The following RIMS1 variants were observed in gnomAD, a reference collection of about 807,000 sequenced individuals.
RIMS1 encodes regulating synaptic membrane exocytosis 1.
In RIMS1, 83 loss-of-function variants were observed where a neutral mutation model predicts 214.1. The observed-to-expected ratio is 0.39, with a 90% CI of 0.32 to 0.47. The LOEUF (loss-of-function observed/expected upper bound fraction) is 0.47, where lower values mean the gene tolerates loss of function less well. Ranked by LOEUF, RIMS1 falls within the 20% of genes least tolerant of loss-of-function variation. RIMS1 has a pLI of 0.99. For synonymous variants in RIMS1, 793 were observed against 786.8 expected (o/e 1.01, Z -0.13); for missense variants, 2,050 against 2,161.8 (o/e 0.95, Z 1.03).
Position 72,157,705 on chromosome 6 carries a change from G to T in RIMS1, c.472-21870G>T, listed in dbSNP as rs1177781892. On this transcript the variant is annotated intron_variant, in intron 4 of 33. Coordinates refer to ENST00000521978, the MANE Select transcript of RIMS1 (RefSeq NM_014989.7). ...TCTAATTAGCAAATCATTGGCTTAGGTTGTTTACACAGTCCATTGTGATGA... is the reference window on the plus strand; with the variant it reads ...TCTAATTAGCAAATCATTGGCTTAGTTTGTTTACACAGTCCATTGTGATGA... Among the ~76,000 whole-genome samples, 3 of 140,014 alleles carry T rather than the reference G, an allele frequency of 2.1e-5. 1 individual carries two copies. The highest frequency in any genetic ancestry group is 7.4e-5 in the African/African-American group (3 of 40,540). The allele number at this position is 140,014 out of a possible 152,430, so 91.9% of individuals were successfully genotyped here.
In RIMS1 at chr6:72,237,944, T is replaced by C. The variant is rs940109002; in HGVS notation, c.1957+22T>C. ...GCAGGTAAAGTTTCTTTTTTTAATA[T>C]TTAAACAGTGTGTTCTCCATGCATG... On this transcript the variant is annotated intron_variant, in intron 9 of 33. Transcript: ENST00000521978. The C allele has an allele frequency of 2.0e-6, 3 of 1,537,366 alleles. No individual in the cohort carries two copies. In the African/African-American group the frequency reaches 4.1e-5, roughly 21 times the overall value.
chr6:72,186,169 C>T (rs1428488829), intron 6 of RIMS1, among the ~76,000 whole-genome samples: 2 of 152,220 alleles, frequency 1.3e-5, no homozygotes, highest in African/African-American at 4.8e-5. Context: ...ACTCAGATTT[C>T]TGACTACTTG....
intron 2 of RIMS1, among the ~76,000 whole-genome samples, chr6:71,983,984 A>G (rs1413053670): frequency 6.6e-6 from 1 of 152,114 alleles, no homozygotes; most frequent in Non-Finnish European, 1.5e-5. Context: ...AATTGCTATT[A>G]TGTGTTTATC....
intron 1 of RIMS1, among the ~76,000 whole-genome samples, chr6:71,966,705 T>C (rs1052073264): frequency 1.3e-5 from 2 of 152,086 alleles, no homozygotes; most frequent in Non-Finnish European, 2.9e-5. Flanking sequence ...ATTTTTTTAG[T>C]AGAGATGGGG....
At chr6:72,012,368 A>G (rs956594023) in intron 2 of RIMS1, among the ~76,000 whole-genome samples, 4 of 152,192 alleles carry the variant, frequency 2.6e-5, no homozygotes, top group African/African-American at 9.7e-5. Context: ...ATTAGGAGAT[A>G]TACCTAATGT....
At chr6:72,006,808 G>T (rs1807854845) in intron 2 of RIMS1, among the ~76,000 whole-genome samples, 2 of 152,212 alleles carry the variant, frequency 1.3e-5, no homozygotes, top group Admixed American at 1.3e-4. Context: ...GGTTTGAGTA[G>T]GTAAACAAAG....
chr6:71,999,460 A>G (rs1004455970), intron 2 of RIMS1, among the ~76,000 whole-genome samples: 1 of 152,144 alleles, frequency 6.6e-6, no homozygotes, highest in Non-Finnish European at 1.5e-5. Context: ...AGGATATGAA[A>G]TGATTATCTT....
intron 6 of RIMS1, among the ~76,000 whole-genome samples, chr6:72,206,050 T>C (rs2052847645): frequency 6.6e-6 from 1 of 152,186 alleles, no homozygotes; most frequent in Admixed American, 6.5e-5. Flanking sequence ...TTTTTTCTGT[T>C]GTCTCTTTCT....
intron 1 of RIMS1, among the ~76,000 whole-genome samples, chr6:71,907,395 G>A (rs1775563692): frequency 6.6e-6 from 1 of 152,054 alleles, no homozygotes; most frequent in Non-Finnish European, 1.5e-5. Flanking sequence ...ACAATTAACA[G>A]ATTTTTCACC....
intron 4 of RIMS1, among the ~76,000 whole-genome samples, chr6:72,162,769 A>G (rs1218541501): frequency 7.1e-6 from 1 of 140,528 alleles, no homozygotes; most frequent in Non-Finnish European, 1.6e-5. Flanking sequence ...TGTTAGTCTG[A>G]TGGGCTTCCC....
At chr6:72,185,897 G>C (rs971542211) in intron 6 of RIMS1, among the ~76,000 whole-genome samples, 8 of 152,194 alleles carry the variant, frequency 5.3e-5, no homozygotes, top group Admixed American at 4.6e-4. Context: ...TCAATGTGAA[G>C]ACGACGAGGA....
At chr6:72,316,727 G>T (rs781612343) in intron 28 of RIMS1, 1 of 653,166 alleles carries the variant, frequency 1.5e-6, no homozygotes, top group Non-Finnish European at 2.9e-6. Context: ...TCCCAGAGCA[G>T]CCTGGGGGCC....
At position 72,055,024 on chromosome 6, in the gene RIMS1, C is replaced by A. The variant is rs1825787827; in HGVS notation, c.246-41925C>A. Among the ~76,000 whole-genome samples, 3 of 152,150 alleles carry A rather than the reference C, an allele frequency of 2.0e-5. No individual in the cohort carries two copies. In the East Asian group the frequency reaches 5.8e-4, roughly 29 times the overall value. ...ATGCCTATGTCCTGAATGGTATTGC[C>A]TAGGTTTTCTTCTAAGATTTTTATG... On this transcript the variant is annotated intron_variant, in intron 2 of 33. Transcript: ENST00000521978.
At chr6:72,072,507 G>C (rs1403252004) in intron 2 of RIMS1, among the ~76,000 whole-genome samples, 1 of 152,154 alleles carries the variant, frequency 6.6e-6, no homozygotes, top group Non-Finnish European at 1.5e-5. Flanking sequence ...AAGGCACAGA[G>C]GTTCTAGGTA....
chr6:71,891,167 T>C (rs1229344369), intron 1 of RIMS1, among the ~76,000 whole-genome samples: 1 of 152,150 alleles, frequency 6.6e-6, no homozygotes, highest in Non-Finnish European at 1.5e-5. Flanking sequence ...TAGAAGGTAA[T>C]AAAAAGCATC....
At position 72,066,831 on chromosome 6, in the gene RIMS1, G is replaced by A. The variant is rs115595367; in HGVS notation, c.246-30118G>A. Among the ~76,000 whole-genome samples the A allele has an allele frequency of 8.9e-3, 1,346 of 152,046 alleles. 15 individuals are homozygous for A. The highest frequency in any genetic ancestry group is 0.031 in the African/African-American group (1,281 of 41,472). ...TCTCCCTCAAATAAACTCCTCCCCTGGCTTTCTAATTTTCATAATTTACCT... is the reference window on the plus strand; with the variant it reads ...TCTCCCTCAAATAAACTCCTCCCCTAGCTTTCTAATTTTCATAATTTACCT... On this transcript the variant is annotated intron_variant, in intron 2 of 33. Coordinates refer to ENST00000521978, the MANE Select transcript of RIMS1 (RefSeq NM_014989.7).
intron 4 of RIMS1, among the ~76,000 whole-genome samples, chr6:72,179,157 GTT>G (rs1215840548): frequency 6.6e-6 from 1 of 151,930 alleles, no homozygotes. Context: ...AAGTACTGAG[GTT>G]TATGTATTTA....
chr6:72,327,643 G>A lies in RIMS1; in HGVS notation c.4131-5957G>A, dbSNP rs138138749. Among the ~76,000 whole-genome samples, 412 of 151,678 alleles carry A rather than the reference G, an allele frequency of 2.7e-3. 1 individual carries two copies. Among genetic ancestry groups the A allele is most frequent in the Non-Finnish European group, 4.6e-3 (311 of 67,786 alleles). ...TTACATCCCCATCAGCAATGTTGAC[G>A]GCTCCAGTTTCTCCTAATTCTAGTC... On this transcript the variant is annotated intron_variant, in intron 28 of 33. Coordinates refer to ENST00000521978, the MANE Select transcript of RIMS1 (RefSeq NM_014989.7).
intron 4 of RIMS1, among the ~76,000 whole-genome samples, chr6:72,126,325 G>A (rs1316044323): frequency 6.6e-6 from 1 of 152,156 alleles, no homozygotes; most frequent in Non-Finnish European, 1.5e-5. Flanking sequence ...TATTCTGGAA[G>A]ATAACATTGG....
Sources: allele counts gnomAD v4.1 joint callset (sites outside exome capture counted in the v4.1 genomes callset), GRCh38; gene constraint gnomAD v4.1.1; transcripts MANE v1.5; gene names NCBI Gene and HGNC (gene_info 2026-07-23, HGNC 2026-07-21).